LRRC7: variants seen among roughly 807,000 people sequenced by gnomAD.
The protein encoded by LRRC7 is leucine-rich repeat-containing protein 7.
LRRC7 carries 23 observed loss-of-function variants against 175.7 expected under a neutral mutation model. That is an observed-to-expected ratio of 0.13 (90% CI 0.09 to 0.19). LRRC7 has a LOEUF of 0.19. LRRC7 is among the 10% of genes least tolerant of loss of function. The pLI is 1.00. For synonymous variants in LRRC7, 685 were observed against 680.9 expected, an observed-to-expected ratio of 1.01 and a Z score of -0.09; for missense variants, 1,354 against 1,904.7, an observed-to-expected ratio of 0.71 and a Z score of 5.38.
At chr1:69,781,528 A>G (rs1193629700) in intron 3 of LRRC7, among the ~76,000 whole-genome samples, 1 of 150,842 alleles carries the variant, frequency 6.6e-6, no homozygotes, top group Non-Finnish European at 1.5e-5. Context: ...CCAAAAATAT[A>G]AAAAATTAGC....
chr1:70,071,910 A>G (rs1044083386), intron 23 of LRRC7, among the ~76,000 whole-genome samples: 12 of 152,196 alleles, frequency 7.9e-5, no homozygotes, highest in African/African-American at 2.7e-4. Flanking sequence ...CATGTCTTTT[A>G]TATTATACAA....
chr1:69,856,256 T>G (rs141076234), intron 7 of LRRC7, among the ~76,000 whole-genome samples: 3,753 of 152,240 alleles, frequency 0.025, 142 homozygotes, highest in African/African-American at 0.086. Context: ...AAGAAATAAC[T>G]AAAATCAGAG....
At chr1:69,713,136 A>G (rs1460363283) in intron 2 of LRRC7, among the ~76,000 whole-genome samples, 1 of 152,162 alleles carries the variant, frequency 6.6e-6, no homozygotes, top group African/African-American at 2.4e-5. Flanking sequence ...CTATTGTAAT[A>G]AAAAATAATA....
intron 8 of LRRC7, among the ~76,000 whole-genome samples, chr1:69,947,749 CTG>C (rs1649491016): frequency 6.6e-6 from 1 of 152,114 alleles, no homozygotes; most frequent in Non-Finnish European, 1.5e-5. Flanking sequence ...ATGCCTGAAA[CTG>C]TGGATAGTAC....
intron 25 of LRRC7, among the ~76,000 whole-genome samples, chr1:70,100,185 A>G (rs1157301198): frequency 6.6e-6 from 1 of 152,150 alleles, no homozygotes; most frequent in African/African-American, 2.4e-5. Context: ...CAATTTTAGC[A>G]CTTACGTTCA....
intron 1 of LRRC7, among the ~76,000 whole-genome samples, chr1:69,653,283 C>CTT (rs34419253): frequency 5.1e-5 from 7 of 137,928 alleles, no homozygotes; most frequent in African/African-American, 1.0e-4. Context: ...AATTTAAAAA[C>CTT]TTTTTTTTAA....
chr1:69,702,004 T>C (rs1434469466), intron 2 of LRRC7, among the ~76,000 whole-genome samples: 2 of 152,236 alleles, frequency 1.3e-5, no homozygotes, highest in East Asian at 3.8e-4. Flanking sequence ...ATTCTGTTTT[T>C]AAGTTATTTA....
intron 4 of LRRC7, among the ~76,000 whole-genome samples, chr1:69,798,069 CTG>C (rs1458999774): frequency 1.3e-5 from 2 of 151,898 alleles, no homozygotes; most frequent in East Asian, 1.9e-4. Flanking sequence ...TTACAGGCGC[CTG>C]TCAACACGCC....
At chr1:70,045,187 A>C (rs1360209755) in intron 22 of LRRC7, among the ~76,000 whole-genome samples, 3 of 151,928 alleles carry the variant, frequency 2.0e-5, no homozygotes, top group Non-Finnish European at 4.4e-5. Context: ...AAAAAAAAAC[A>C]CTAAATTGAA....
rs144188495 is a variant in LRRC7, at chr1:69,999,727, A to G, written c.1004+5094A>G. Among the ~76,000 whole-genome samples, 7 of 152,358 alleles carry G rather than the reference A, an allele frequency of 4.6e-5. No homozygotes were observed. The East Asian group carries it at 1.2e-3, about 25-fold the overall frequency. On this transcript the variant is annotated intron_variant, in intron 11 of 26. Transcript: ENST00000651989. ...TATGTGAATTGACAAGAGGGCGACC[A>G]GCATGAGAGATGTGGAACTGTGATT...
chr1:69,955,318 A>C (rs894504323), intron 8 of LRRC7, among the ~76,000 whole-genome samples: 1 of 152,078 alleles, frequency 6.6e-6, no homozygotes, highest in African/African-American at 2.4e-5. Flanking sequence ...AGGAGCCTCT[A>C]TCAGATTTGG....
rs1463700475 is a variant in LRRC7, at chr1:70,107,946, T to C, written c.4620+120T>C. 4.4e-6 allele frequency: 4 copies of C among 900,212 alleles called. No homozygotes were observed. The African/African-American group carries it at 6.6e-5, about 15-fold the overall frequency. 55.8% of individuals were successfully genotyped at this position (900,212 alleles called of 1,614,324 possible). A position where few individuals can be genotyped will look rare whatever the true frequency, so the allele number is the denominator to read the frequency against. Reference sequence around the variant, plus strand: ...ATAAGTCCTTCTCACATTGCTTATTTGCCTTTATTATTTTGGGGCTGAAAG... The same window carrying C: ...ATAAGTCCTTCTCACATTGCTTATTCGCCTTTATTATTTTGGGGCTGAAAG... On this transcript the variant is annotated intron_variant, in intron 26 of 26. Coordinates refer to ENST00000651989, the MANE Select transcript of LRRC7 (RefSeq NM_001370785.2).
At chr1:69,727,609 A>G (rs1667115981) in intron 2 of LRRC7, among the ~76,000 whole-genome samples, 1 of 152,170 alleles carries the variant, frequency 6.6e-6, no homozygotes, top group Non-Finnish European at 1.5e-5. Context: ...ACTTTACAGA[A>G]TTGCTTTTTC....
At chr1:69,994,421 T>C (rs1654737363) in intron 10 of LRRC7, 140 bp from the exon 11 acceptor site, 3 of 676,940 alleles carry the variant, frequency 4.4e-6, no homozygotes, top group Non-Finnish European at 7.8e-6. Context: ...CAAACGTCAG[T>C]TTTATGAGTG....
rs755676231 is a variant in LRRC7 at position 69,781,733 on chromosome 1, AAGAGAGAGAG to A, written c.304-10286_304-10277del. On this transcript the variant is annotated intron_variant, in intron 3 of 26. Transcript: ENST00000651989. The stretch of plus-strand genomic sequence containing the variant: ...AAAGAAAGAAAGAAAGAAAGAAAGA[AAGAGAGAGAG>A]AGAGAGAGAGAGAGAGAGAGAGAAA... Among the ~76,000 whole-genome samples the A allele has an allele frequency of 5.1e-4, 12 of 23,542 alleles. 1 individual carries two copies. The highest frequency in any genetic ancestry group is 1.6e-3 in the Admixed American group (3 of 1,830). The allele number at this position is 23,542 out of a possible 152,430, so 15.4% of individuals were successfully genotyped here. A position where few individuals can be genotyped will look rare whatever the true frequency, so the allele number is the denominator to read the frequency against.
At chr1:69,683,773 C>T (rs1418035565) in intron 2 of LRRC7, among the ~76,000 whole-genome samples, 1 of 151,792 alleles carries the variant, frequency 6.6e-6, no homozygotes, top group East Asian at 1.9e-4. Flanking sequence ...GAAAAATGAA[C>T]ATTATTGAGC....
intron 2 of LRRC7, among the ~76,000 whole-genome samples, chr1:69,686,837 A>C (rs1253095781): frequency 6.6e-6 from 1 of 152,112 alleles, no homozygotes; most frequent in African/African-American, 2.4e-5. Context: ...AAGAAAGACC[A>C]ACTATATGTT....
In LRRC7 at chr1:69,737,642, C is replaced by T. The variant is rs529670641; in HGVS notation, c.101-22549C>T. Among the ~76,000 whole-genome samples the T allele has an allele frequency of 5.3e-5, 8 of 152,152 alleles. No individual in the cohort carries two copies. In the South Asian group the frequency reaches 6.2e-4, roughly 12 times the overall value. On this transcript the variant is annotated intron_variant, in intron 2 of 26. Coordinates refer to ENST00000651989, the MANE Select transcript of LRRC7 (RefSeq NM_001370785.2). ...CCAATTCCCTGCTTTCCCAGAATTT[C>T]CTTGCCCTAGTTTACTTCTATGTAG...
chr1:69,781,717 AAGAAAGAAAGAAAGAAAGAG>A (rs1673572245), intron 3 of LRRC7, among the ~76,000 whole-genome samples: 5 of 32,452 alleles, frequency 1.5e-4, no homozygotes, highest in South Asian at 1.0e-3. Flanking sequence ...GAAAGAAAGA[AAGAAAGAAAGAAAGAAAGAG>A]AGAGAGAGAG....
Sources: allele counts gnomAD v4.1 joint callset (sites outside exome capture counted in the v4.1 genomes callset), GRCh38; gene constraint gnomAD v4.1.1; transcripts MANE v1.5; gene names NCBI Gene and HGNC (gene_info 2026-07-23, HGNC 2026-07-21).